Variants in RDH13 observed in about 807,000 individuals in gnomAD.
RDH13 encodes the protein retinol dehydrogenase 13 (all-trans and 9-cis).
Under a neutral mutation model 28.3 loss-of-function variants are expected in RDH13, and 35 were observed. That is an observed-to-expected ratio of 1.24 (90% CI 0.95 to 1.64). The LOEUF is 1.64. Ranked by LOEUF, RDH13 falls within the 40% of genes most tolerant of loss-of-function variation. The pLI, the probability that RDH13 is intolerant of heterozygous loss-of-function variation, is 0.00. For synonymous variants in RDH13, 229 were observed against 198.5 expected (o/e 1.15, Z -1.29); for missense variants, 514 against 446.3 (o/e 1.15, Z -1.37).
chr19:55,062,931 C>T lies in RDH13; in HGVS notation c.65+37G>A, dbSNP rs186406828. The T allele has an allele frequency of 4.2e-6, 6 of 1,422,696 alleles. No individual in the cohort carries two copies. The African/African-American group carries it at 6.0e-5, about 14-fold the overall frequency. 88.1% of individuals were successfully genotyped at this position (1,422,696 alleles called of 1,614,324 possible). A position where few individuals can be genotyped will look rare whatever the true frequency, so the allele number is the denominator to read the frequency against. On this transcript the variant is annotated intron_variant, in intron 1 of 6. Coordinates refer to ENST00000415061, the MANE Select transcript of RDH13 (RefSeq NM_001145971.2). ...CTTCCCGGCCCCTGCGCTGGGGGCC[C>T]GCCTTGACCGCGCACGCGGGGCTAG...
At chr19:55,048,912 G>A (rs1024281777) in intron 3 of RDH13, 149 bp from the exon 4 acceptor site, 18 of 686,516 alleles carry the variant, frequency 2.6e-5, no homozygotes, top group Admixed American at 1.1e-4. Context: ...GTCAGGATGC[G>A]GTCATTAGGG....
intron 3 of RDH13, among the ~76,000 whole-genome samples, chr19:55,056,188 G>A (rs1039493444): frequency 2.0e-5 from 3 of 151,966 alleles, no homozygotes; most frequent in African/African-American, 4.8e-5. Context: ...AGTCAGCCGG[G>A]CGCAGTGGCC....
upstream of RDH13, chr19:55,064,271 A>G (rs1041055037): frequency 6.6e-6 from 1 of 152,076 alleles, no homozygotes; most frequent in Non-Finnish European, 1.5e-5. Context: ...AAATACAAAA[A>G]TTAGCTGGAT....
At chr19:55,060,877 G>A (rs1199894308) in intron 1 of RDH13, among the ~76,000 whole-genome samples, 1 of 149,988 alleles carries the variant, frequency 6.7e-6, no homozygotes, top group African/African-American at 2.4e-5. Context: ...TCCCAAGGCT[G>A]CTGTACGCAT....
At chr19:55,055,075 C>G (rs752881836) in intron 3 of RDH13, among the ~76,000 whole-genome samples, 1 of 152,110 alleles carries the variant, frequency 6.6e-6, no homozygotes, top group Non-Finnish European at 1.5e-5. Context: ...AATACACACA[C>G]AAACCTATTA....
chr19:55,066,568 T>A (rs1300098667), upstream of RDH13, among the ~76,000 whole-genome samples: 1 of 144,332 alleles, frequency 6.9e-6, no homozygotes, highest in Non-Finnish European at 1.5e-5. Flanking sequence ...TCCCTCTCCC[T>A]CCTTCTGTCT....
chr19:55,064,818 G>A (rs555116840), upstream of RDH13, among the ~76,000 whole-genome samples: 5 of 150,078 alleles, frequency 3.3e-5, no homozygotes, highest in East Asian at 4.0e-4. Flanking sequence ...TCACCATGTT[G>A]GCCAGGTTGG....
At position 55,044,783 on chromosome 19, in the gene RDH13, C is replaced by T; in HGVS notation, c.*291G>A. 2.3e-6 allele frequency: 1 copy of T among 439,308 alleles called. No individual in the cohort carries two copies. The highest frequency in any genetic ancestry group is 4.0e-6 in the Non-Finnish European group (1 of 249,646). 27.2% of individuals were successfully genotyped at this position (439,308 alleles called of 1,614,324 possible). On this transcript the variant is annotated 3_prime_UTR_variant, in exon 7 of 7. Coordinates refer to ENST00000415061, the MANE Select transcript of RDH13 (RefSeq NM_001145971.2). ...GCTCTCCTGACGTGGCCTGCAAGTG[C>T]ACGGAGCCCCTTCCTCCTCGGCCAT...
Position 55,063,009 on chromosome 19 carries a change from C to A in RDH13, c.24G>T (p.Leu8=). 2 of 1,464,886 alleles carry A rather than the reference C, an allele frequency of 1.4e-6. No homozygotes were observed. Among genetic ancestry groups the A allele is most frequent in the Non-Finnish European group, 9.0e-7 (1 of 1,109,924 alleles). The allele number at this position is 1,464,886 out of a possible 1,614,324, so 90.7% of individuals were successfully genotyped here. A position where few individuals can be genotyped will look rare whatever the true frequency, so the allele number is the denominator to read the frequency against. Residue 8 remains leucine, a synonymous_variant, in exon 1 of 7, where the codon CTG becomes CTT. Transcript: ENST00000415061. ...CGCCTGCTACCGTGCCCAGCGCCGA[C>A]AGCGGCAGCAGGTAGCGGCTCATGC... MSRYLLP[L]SALGTVAGAA...
At position 55,045,263 on chromosome 19, in the gene RDH13, C is replaced by T; in HGVS notation, c.807G>A (p.Gln269=). ...LLVKSPELAA[Q]PSTYLAVAEE... is the part of the protein sequence containing the mutation. ...CCGCCACGGCCAGGTATGTGCTGGG[C>T]TGGGCGGCCAGCTCGGGGCTCTTGA... is the stretch of plus-strand genomic sequence containing the variant. The change falls in exon 7 of 7, where the codon CAG becomes CAA. Residue 269 remains glutamine, a synonymous_variant. Coordinates refer to ENST00000415061, the MANE Select transcript of RDH13 (RefSeq NM_001145971.2). The T allele has an allele frequency of 6.2e-7, 1 of 1,613,254 alleles. No individual in the cohort carries two copies. The highest frequency in any genetic ancestry group is 8.5e-7 in the Non-Finnish European group (1 of 1,180,016).
intron 6 of RDH13, 110 bp downstream of exon 6, chr19:55,047,277 G>A (rs2075267065): frequency 2.0e-6 from 3 of 1,487,358 alleles, no homozygotes; most frequent in African/African-American, 1.4e-5. Context: ...TAGGCGAGGA[G>A]CAGGCATGAG....
At chr19:55,040,080 G>C (rs2074984121), downstream of RDH13, among the ~76,000 whole-genome samples, 2 of 152,168 alleles carry the variant, frequency 1.3e-5, no homozygotes, top group African/African-American at 4.8e-5. Flanking sequence ...TGAAGATGAT[G>C]ACAAAGTCTG....
At chr19:55,039,888 C>T (rs1392117296), downstream of RDH13, among the ~76,000 whole-genome samples, 1 of 152,074 alleles carries the variant, frequency 6.6e-6, no homozygotes, top group Non-Finnish European at 1.5e-5. Flanking sequence ...CATGCTACAA[C>T]GTGATGGACC....
At chr19:55,048,820 G>C in intron 3 of RDH13, 57 bp from the exon 4 acceptor site, 16 of 1,429,758 alleles carry the variant, frequency 1.1e-5, no homozygotes, top group Non-Finnish European at 1.5e-5. Context: ...CCAGCCTGAT[G>C]CACCAGCAGA....
At chr19:55,063,633 G>A (rs1264350968), upstream of RDH13, 5 of 153,874 alleles carry the variant, frequency 3.2e-5, no homozygotes, top group African/African-American at 9.7e-5. Context: ...CTGGGGGCCT[G>A]GACTCCTGGG....
intron 2 of RDH13, among the ~76,000 whole-genome samples, chr19:55,057,059 G>A (rs1039012339): frequency 6.6e-6 from 1 of 152,142 alleles, no homozygotes; most frequent in Non-Finnish European, 1.5e-5. Context: ...TCATGCTACA[G>A]CAAGGATGAC....
intron 4 of RDH13, 21 bp downstream of exon 4, chr19:55,048,638 C>CAGCTTGAACCCATGGTG: frequency 6.2e-7 from 1 of 1,612,132 alleles, no homozygotes; most frequent in Non-Finnish European, 8.5e-7. Context: ...ACCCATGGTG[C>CAGCTTGAACCCATGGTG]AGCCCCTGCC....
intron 5 of RDH13, among the ~76,000 whole-genome samples, chr19:55,047,790 C>G (rs1052303984): frequency 2.6e-5 from 4 of 152,174 alleles, no homozygotes; most frequent in African/African-American, 9.7e-5. Context: ...CTGACCAGCT[C>G]CCAGTGGGGC....
At chr19:55,039,326 G>A (rs184373240), downstream of RDH13, 1 of 152,340 alleles carries the variant, frequency 6.6e-6, no homozygotes, top group East Asian at 1.9e-4. Flanking sequence ...GAGGTCAGGA[G>A]TCCGAGACCA....
Sources: allele counts gnomAD v4.1 joint callset (sites outside exome capture counted in the v4.1 genomes callset), GRCh38; gene constraint gnomAD v4.1.1; transcripts MANE v1.5; gene names NCBI Gene and HGNC (gene_info 2026-07-23, HGNC 2026-07-21).